REV1: variants seen among roughly 807,000 people sequenced by gnomAD.
The protein encoded by REV1 is REV1 DNA directed polymerase.
REV1 carries 42 observed loss-of-function variants against 137.4 expected under a neutral mutation model. That is an observed-to-expected ratio of 0.31 (90% CI 0.24 to 0.40). REV1 has a LOEUF of 0.40. Among genes scored for constraint, REV1 ranks in the 10% least tolerant of loss-of-function variants. The probability of loss-of-function intolerance (pLI) is 1.00; values close to 1 mark genes in which losing one functional copy is unlikely to be tolerated. For missense variants in REV1, 1,282 were observed against 1,490.1 expected, an observed-to-expected ratio of 0.86 and a Z score of 2.30; for synonymous variants, 524 against 519.2, an observed-to-expected ratio of 1.01 and a Z score of -0.12.
chr2:99,477,026 G>A (rs1686053167), intron 1 of REV1, among the ~76,000 whole-genome samples: 1 of 152,146 alleles, frequency 6.6e-6, no homozygotes, highest in Non-Finnish European at 1.5e-5. Flanking sequence ...TTAACCTAAG[G>A]ATGGTGTGGA....
At position 99,406,042 on chromosome 2, in the gene REV1, A is replaced by C. The variant is rs761584244; in HGVS notation, c.2679T>G (p.Pro893=). 6.2e-7 allele frequency: 1 copy of C among 1,613,920 alleles called. No individual in the cohort carries two copies. The highest frequency in any genetic ancestry group is 1.1e-5 in the South Asian group (1 of 91,000). The part of the protein sequence containing the change: ...SASRTCTFLP[P]FPAHLPTSPD... ...GACTGGTCGGCAGATGTGCAGGAAA[A>C]GGTGGCAAGAAAGTGCAAGTTCTAG... The change falls in exon 17 of 23, where the codon CCT becomes CCG. Residue 893 remains proline (P), a synonymous_variant. Coordinates refer to ENST00000258428, the MANE Select transcript of REV1 (RefSeq NM_016316.4).
chr2:99,409,987 T>C (rs1235310777), intron 14 of REV1, among the ~76,000 whole-genome samples: 2 of 151,982 alleles, frequency 1.3e-5, no homozygotes, highest in East Asian at 3.9e-4. Context: ...TTCACCATCA[T>C]TTTTCTAGCT....
intron 3 of REV1, among the ~76,000 whole-genome samples, chr2:99,457,269 C>G (rs945181163): frequency 6.6e-5 from 10 of 152,226 alleles, no homozygotes; most frequent in African/African-American, 2.2e-4. Context: ...GATATAAGGT[C>G]TGTAAACTAG....
chr2:99,454,804 T>C (rs1377822918), intron 3 of REV1, among the ~76,000 whole-genome samples: 1 of 152,166 alleles, frequency 6.6e-6, no homozygotes, highest in East Asian at 1.9e-4. Context: ...GAACATTCTA[T>C]ATGCAACTAA....
chr2:99,431,274 A>G (rs557854816), intron 8 of REV1, among the ~76,000 whole-genome samples: 1 of 152,246 alleles, frequency 6.6e-6, no homozygotes, highest in Non-Finnish European at 1.5e-5. Context: ...TCAAAACAGC[A>G]GAGTGTGTAA....
chr2:99,488,987 C>A (rs1383143817), intron 1 of REV1, among the ~76,000 whole-genome samples: 2 of 152,260 alleles, frequency 1.3e-5, no homozygotes, highest in East Asian at 3.9e-4. Context: ...AATTAGCAGA[C>A]GTATATTATC....
intron 3 of REV1, among the ~76,000 whole-genome samples, chr2:99,458,970 A>T (rs1255657474): frequency 6.6e-6 from 1 of 152,094 alleles, no homozygotes; most frequent in African/African-American, 2.4e-5. Context: ...GCACTTTGGG[A>T]GGCCAAGGTG....
chr2:99,490,045 C>G (rs1476441754), upstream of REV1: 1 of 148,888 alleles, frequency 6.7e-6, no homozygotes, highest in Non-Finnish European at 1.5e-5. Context: ...GGTTAGCGCG[C>G]GCGCCGCAGC....
rs1482529643 is a variant in REV1 at position 99,410,067 on chromosome 2, C to G, written c.2345+628G>C. The stretch of plus-strand genomic sequence containing the variant: ...GCTCTGTTGCCCAGGCAGGAGTGCA[C>G]TGGCGCGATCTCAGCTCACTGCAAC... On this transcript the variant is annotated intron_variant, in intron 14 of 22. Coordinates refer to ENST00000258428, the MANE Select transcript of REV1 (RefSeq NM_016316.4). 2.0e-5 allele frequency among the ~76,000 whole-genome samples: 3 copies of G among 151,988 alleles called. No homozygotes were observed. The East Asian group carries it at 5.8e-4, about 30-fold the overall frequency.
At chr2:99,462,314 A>C (rs930495928) in intron 3 of REV1, among the ~76,000 whole-genome samples, 182 bp downstream of exon 3, 4 of 152,250 alleles carry the variant, frequency 2.6e-5, no homozygotes, top group African/African-American at 9.6e-5. Context: ...TAAAAGTTAA[A>C]GACAATGGCA....
chr2:99,401,567 T>TA (rs1014746880), intron 22 of REV1, among the ~76,000 whole-genome samples: 19 of 151,492 alleles, frequency 1.3e-4, no homozygotes, highest in African/African-American at 4.6e-4. Flanking sequence ...GCCAACATGG[T>TA]AAAACCCCGT....
intron 9 of REV1, among the ~76,000 whole-genome samples, chr2:99,427,195 T>C (rs747758901): frequency 3.9e-5 from 6 of 151,950 alleles, no homozygotes; most frequent in Non-Finnish European, 7.4e-5. Context: ...GGGAAAAAAA[T>C]TGCCATCAAA....
At position 99,400,518 on chromosome 2, in the gene REV1, A is replaced by G. The variant is rs551225593; in HGVS notation, c.*723T>C. ...TTATTTTAAAGTTATGGCATAACAT[A>G]TAACATAAAAATATTTTATATACGT... On this transcript the variant is annotated 3_prime_UTR_variant, in exon 23 of 23. Coordinates refer to ENST00000258428, the MANE Select transcript of REV1 (RefSeq NM_016316.4). 2.0e-5 allele frequency: 3 copies of G among 152,330 alleles called. No individual in the cohort carries two copies. Among genetic ancestry groups the G allele is most frequent in the South Asian group, 4.1e-4 (2 of 4,834 alleles). 9.4% of individuals were successfully genotyped at this position (152,330 alleles called of 1,614,324 possible).
rs36096966 is a variant in REV1, at chr2:99,409,853, A to ACC, written c.2345+840_2345+841dup. 5.6e-3 allele frequency among the ~76,000 whole-genome samples: 439 copies of ACC among 78,496 alleles called. 22 individuals are homozygous for ACC. Among genetic ancestry groups the ACC allele is most frequent in the East Asian group, 0.026 (34 of 1,316 alleles). The allele number at this position is 78,496 out of a possible 152,430, so 51.5% of individuals were successfully genotyped here. A position where few individuals can be genotyped will look rare whatever the true frequency, so the allele number is the denominator to read the frequency against. On this transcript the variant is annotated intron_variant, in intron 14 of 22. Transcript: ENST00000258428. ...GCCAGACTCTGTCTCAAAACAAACA[A>ACC]CCCCCCCCCCCCCCAAAAAAAACAG...
In REV1 at chr2:99,400,908, T is replaced by C. The variant is rs1055666712; in HGVS notation, c.*333A>G. On this transcript the variant is annotated 3_prime_UTR_variant, in exon 23 of 23. Transcript: ENST00000258428. ...AATAAACAGTAGTTGCTTCCTAGAG[T>C]TGAGTTTTTAAGGATTCACAAAAAG... The C allele has an allele frequency of 2.4e-5, 4 of 163,452 alleles. No individual in the cohort carries two copies. Among genetic ancestry groups the C allele is most frequent in the African/African-American group, 9.6e-5 (4 of 41,656 alleles). 10.1% of individuals were successfully genotyped at this position (163,452 alleles called of 1,614,324 possible). A position where few individuals can be genotyped will look rare whatever the true frequency, so the allele number is the denominator to read the frequency against.
At chr2:99,462,199 G>C (rs1294917493) in intron 3 of REV1, among the ~76,000 whole-genome samples, 4 of 152,144 alleles carry the variant, frequency 2.6e-5, no homozygotes, top group Non-Finnish European at 5.9e-5. Flanking sequence ...CAATGAAATG[G>C]ACCTACAGTG....
At chr2:99,438,555 T>A (rs369255284) in intron 6 of REV1, 46 bp downstream of exon 6, 99 of 1,427,782 alleles carry the variant, frequency 6.9e-5, no homozygotes, top group Non-Finnish European at 9.2e-5. Flanking sequence ...AGCAAAATGA[T>A]CAAGCATGAC....
chr2:99,483,075 T>C (rs1022348196), intron 1 of REV1, among the ~76,000 whole-genome samples: 1 of 148,770 alleles, frequency 6.7e-6, no homozygotes, highest in Admixed American at 6.7e-5. Context: ...GAAGAAGAAA[T>C]TGTTAAAACA....
At chr2:99,410,981 T>C (rs1397119621) in intron 13 of REV1, 114 bp from the exon 14 acceptor site, 3 of 979,322 alleles carry the variant, frequency 3.1e-6, no homozygotes, top group Non-Finnish European at 4.3e-6. Flanking sequence ...ACTATCACGC[T>C]CAGCATCTAT....
Sources: allele counts gnomAD v4.1 joint callset (sites outside exome capture counted in the v4.1 genomes callset), GRCh38; gene constraint gnomAD v4.1.1; transcripts MANE v1.5; gene names NCBI Gene and HGNC (gene_info 2026-07-23, HGNC 2026-07-21).